CCDC171: variants seen among roughly 807,000 people sequenced by gnomAD.
CCDC171 encodes coiled-coil domain-containing protein 171.
CCDC171 carries 177 observed loss-of-function variants against 168.2 expected under a neutral mutation model. The ratio of observed to expected loss-of-function variants is 1.05; its 90% CI spans 0.93 to 1.19. The LOEUF (loss-of-function observed/expected upper bound fraction) is 1.19, where lower values mean the gene tolerates loss of function less well. CCDC171 is among the 50% of genes most tolerant of loss of function. The probability of loss-of-function intolerance (pLI) is 0.00; values close to 1 mark genes in which losing one functional copy is unlikely to be tolerated. For synonymous variants in CCDC171, 687 were observed against 540.8 expected, an observed-to-expected ratio of 1.27 and a Z score of -3.75; for missense variants, 1,991 against 1,539.0, an observed-to-expected ratio of 1.29 and a Z score of -4.91.
chr9:15,919,864 A>T (rs1348813440), intron 24 of CCDC171, among the ~76,000 whole-genome samples: 2 of 151,648 alleles, frequency 1.3e-5, no homozygotes, highest in East Asian at 3.9e-4. Context: ...TGGTTTAAAA[A>T]TTTTACTAAC....
At chr9:15,951,091 G>A (rs1280998820) in intron 25 of CCDC171, among the ~76,000 whole-genome samples, 1 of 149,394 alleles carries the variant, frequency 6.7e-6, no homozygotes, top group Non-Finnish European at 1.5e-5. Context: ...AAATATATAT[G>A]CACCCAATAC....
At chr9:15,905,470 C>T (rs1304894122) in intron 24 of CCDC171, among the ~76,000 whole-genome samples, 1 of 152,048 alleles carries the variant, frequency 6.6e-6, no homozygotes, top group African/African-American at 2.4e-5. Flanking sequence ...TTCTTTGAAA[C>T]CAACGAGAAC....
chr9:15,942,877 A>G (rs1827886643), intron 25 of CCDC171, among the ~76,000 whole-genome samples: 1 of 151,952 alleles, frequency 6.6e-6, no homozygotes, highest in South Asian at 2.1e-4. Context: ...ATTAATAGCA[A>G]TGTAGAATGG....
chr9:15,814,580 T>C (rs2059487811), intron 21 of CCDC171, among the ~76,000 whole-genome samples: 1 of 152,002 alleles, frequency 6.6e-6, no homozygotes, highest in African/African-American at 2.4e-5. Flanking sequence ...GGGATTGAAA[T>C]ACAATTGTAG....
At chr9:15,625,943 A>C (rs187629914) in intron 7 of CCDC171, among the ~76,000 whole-genome samples, 38 of 152,230 alleles carry the variant, frequency 2.5e-4, no homozygotes, top group African/African-American at 7.7e-4. Context: ...CTTCTTCCTA[A>C]CCATGAGCGT....
rs143222263 is a variant in CCDC171 at position 15,708,765 on chromosome 9, T to C, written c.1319-13004T>C. On this transcript the variant is annotated intron_variant, in intron 11 of 25. Coordinates refer to ENST00000380701, the MANE Select transcript of CCDC171 (RefSeq NM_173550.4). ...ATGTGCCAGAAGTCCAGGGAGTAGA[T>C]TGGGAGATGATACCACCTAAGTTCA... Among the ~76,000 whole-genome samples the C allele has an allele frequency of 2.7e-3, 412 of 152,244 alleles. 2 individuals carry two copies. Among genetic ancestry groups the C allele is most frequent in the African/African-American group, 9.1e-3 (377 of 41,536 alleles).
At chr9:16,008,665 C>A (rs1422490115) in intron 3 of CCDC171, among the ~76,000 whole-genome samples, 1 of 152,198 alleles carries the variant, frequency 6.6e-6, no homozygotes, top group Non-Finnish European at 1.5e-5. Flanking sequence ...CTCCTTGCAT[C>A]GCTGGGCCCC....
chr9:16,031,044 A>G (rs553667617), intron 6 of CCDC171, among the ~76,000 whole-genome samples: 2 of 152,330 alleles, frequency 1.3e-5, no homozygotes, highest in South Asian at 4.1e-4. Context: ...TTAAGAAATC[A>G]CTTAGAGACC....
chr9:15,974,126 CA>C (rs1421608844), downstream of CCDC171: 1 of 151,926 alleles, frequency 6.6e-6, no homozygotes, highest in Non-Finnish European at 1.5e-5. Flanking sequence ...TAAATCAAAT[CA>C]AAGCATGTCA....
chr9:15,982,260 G>T (rs1589294390), intron 3 of CCDC171, among the ~76,000 whole-genome samples: 1 of 152,148 alleles, frequency 6.6e-6, no homozygotes, highest in Admixed American at 6.5e-5. Flanking sequence ...AGCTTGTTTA[G>T]TGTTTATGGC....
At position 15,912,445 on chromosome 9, in the gene CCDC171, G is replaced by C. The variant is rs183675313; in HGVS notation, c.3601-7825G>C. Reference sequence around the variant, plus strand: ...GTTGCTTATCAGCTTAAGGAGTTTTGGGACTGAGACGATGGGGTTTTTTTA... The same window carrying C: ...GTTGCTTATCAGCTTAAGGAGTTTTCGGACTGAGACGATGGGGTTTTTTTA... On this transcript the variant is annotated intron_variant, in intron 24 of 25. Transcript: ENST00000380701. 5.3e-4 allele frequency among the ~76,000 whole-genome samples: 80 copies of C among 152,200 alleles called. 1 individual carries two copies. The highest frequency in any genetic ancestry group is 1.2e-4 in the Non-Finnish European group (8 of 68,006).
chr9:16,025,030 C>T lies in CCDC171; in HGVS notation n.998+2122C>T, dbSNP rs116999882. On this transcript the variant is annotated intron_variant and non_coding_transcript_variant, in intron 6 of 9. Coordinates refer to the CCDC171 transcript ENST00000486641. ...TGGTGGGAATGTAAACTGGTACAGC[C>T]ACTTTGGAAAACAGTTTGACAGTTC... Among the ~76,000 whole-genome samples, 83 of 152,310 alleles carry T rather than the reference C, an allele frequency of 5.4e-4. 1 individual carries two copies. The East Asian group carries it at 0.013, about 23-fold the overall frequency.
At chr9:16,076,630 G>A in the CCDC171 span, among the ~76,000 whole-genome samples, 44 of 152,112 alleles carry the variant, frequency 2.9e-4, no homozygotes, top group African/African-American at 9.9e-4. Flanking sequence ...GCACATCTTC[G>A]TGCTGGGTTT....
At chr9:15,599,524 A>C (rs2042660800) in intron 6 of CCDC171, among the ~76,000 whole-genome samples, 1 of 152,170 alleles carries the variant, frequency 6.6e-6, no homozygotes, top group Non-Finnish European at 1.5e-5. Flanking sequence ...ATCCGCTGTT[A>C]GTCTGATGGG....
rs535319895 is a variant in CCDC171, at chr9:15,834,790, C to G, written c.3268-11912C>G. On this transcript the variant is annotated intron_variant, in intron 21 of 25. Coordinates refer to ENST00000380701, the MANE Select transcript of CCDC171 (RefSeq NM_173550.4). ...TGGTTAGGGACGTATATGCACTCTACAAGGATTATTGTTAAGGGCATCTAC... is the reference window on the plus strand; with the variant it reads ...TGGTTAGGGACGTATATGCACTCTAGAAGGATTATTGTTAAGGGCATCTAC... Among the ~76,000 whole-genome samples, 20 of 152,280 alleles carry G rather than the reference C, an allele frequency of 1.3e-4. No homozygotes were observed. In the South Asian group the frequency reaches 2.3e-3, roughly 17 times the overall value.
At chr9:15,861,436 A>AT (rs1005146678) in intron 23 of CCDC171, among the ~76,000 whole-genome samples, 3 of 150,042 alleles carry the variant, frequency 2.0e-5, no homozygotes, top group African/African-American at 7.4e-5. Flanking sequence ...TTCTTAGTTC[A>AT]TTTTTCTCCC....
the CCDC171 span, among the ~76,000 whole-genome samples, chr9:16,084,067 A>T: frequency 6.6e-6 from 1 of 152,226 alleles, no homozygotes; most frequent in Non-Finnish European, 1.5e-5. Context: ...TGAATGCTGG[A>T]TGCAGGTGGT....
chr9:15,807,020 A>G (rs532352912), intron 21 of CCDC171, among the ~76,000 whole-genome samples: 5 of 152,190 alleles, frequency 3.3e-5, no homozygotes, highest in African/African-American at 1.2e-4. Flanking sequence ...TGCTGTTAAT[A>G]TTGTCATTGC....
chr9:15,735,874 G>C (rs2054462006), intron 16 of CCDC171, among the ~76,000 whole-genome samples: 1 of 152,164 alleles, frequency 6.6e-6, no homozygotes, highest in Non-Finnish European at 1.5e-5. Flanking sequence ...AGAGACTTCT[G>C]ACTACTTTTC....
Sources: allele counts gnomAD v4.1 joint callset (sites outside exome capture counted in the v4.1 genomes callset), GRCh38; gene constraint gnomAD v4.1.1; transcripts MANE v1.5; gene names NCBI Gene and HGNC (gene_info 2026-07-23, HGNC 2026-07-21).